The following PLA2G4A variants were observed in gnomAD, a reference collection of about 807,000 sequenced individuals.
PLA2G4A encodes the protein phospholipase A2 group IVA.
A neutral mutation model predicts 81.9 loss-of-function variants in PLA2G4A; 40 were observed. The ratio of observed to expected loss-of-function variants is 0.49; its 90% CI spans 0.38 to 0.64. The LOEUF is 0.64. Among genes scored for constraint, PLA2G4A ranks in the 30% least tolerant of loss-of-function variants. The pLI is 0.00. For synonymous variants in PLA2G4A, 302 were observed against 296.9 expected, an observed-to-expected ratio of 1.02 and a Z score of -0.18; for missense variants, 715 against 905.1, an observed-to-expected ratio of 0.79 and a Z score of 2.69.
intron 2 of PLA2G4A, among the ~76,000 whole-genome samples, chr1:186,859,307 T>G (rs529613780): frequency 1.3e-5 from 2 of 152,298 alleles, no homozygotes; most frequent in Admixed American, 6.5e-5. Flanking sequence ...TTTAGTTTCC[T>G]TATGTTTAGA....
At position 186,988,643 on chromosome 1, in the gene PLA2G4A, T is replaced by C. The variant is rs915068793; in HGVS notation, c.*135T>C. ...GCTGATACTCAAAGTTGCAGTTACT[T>C]AGCTGCATGAGAATAATACTATTAT... On this transcript the variant is annotated 3_prime_UTR_variant, in exon 18 of 18. Transcript: ENST00000367466. The C allele has an allele frequency of 1.3e-6, 1 of 745,904 alleles. No individual in the cohort carries two copies. 46.2% of individuals were successfully genotyped at this position (745,904 alleles called of 1,614,324 possible).
chr1:186,864,040 A>AT (rs57515431), intron 2 of PLA2G4A, among the ~76,000 whole-genome samples: 152,285 of 152,292 alleles, frequency 1, 76,139 homozygotes, highest in Non-Finnish European at 1. Context: ...TGCTGGGATT[A>AT]AGGCATGAGC....
At chr1:186,915,827 A>C (rs1655116560) in intron 7 of PLA2G4A, among the ~76,000 whole-genome samples, 1 of 152,198 alleles carries the variant, frequency 6.6e-6, no homozygotes, top group Non-Finnish European at 1.5e-5. Flanking sequence ...TGTCCCAGAC[A>C]ACTAAGTCAT....
intron 2 of PLA2G4A, among the ~76,000 whole-genome samples, chr1:186,869,989 G>T (rs1653194187): frequency 6.6e-6 from 1 of 152,262 alleles, no homozygotes; most frequent in Admixed American, 6.5e-5. Context: ...GTTCCATAGG[G>T]TTTTGAAAGC....
intron 12 of PLA2G4A, among the ~76,000 whole-genome samples, chr1:186,950,394 A>G (rs1271920323): frequency 6.6e-6 from 1 of 152,160 alleles, no homozygotes; most frequent in East Asian, 1.9e-4. Flanking sequence ...CAGAATTATG[A>G]TAAACATAAA....
chr1:186,980,703 T>C (rs900611751), intron 17 of PLA2G4A, among the ~76,000 whole-genome samples: 6 of 152,178 alleles, frequency 3.9e-5, no homozygotes, highest in Admixed American at 2.0e-4. Context: ...TCGTTTGGCC[T>C]GAGACTAGTA....
chr1:186,951,290 G>A (rs1415743401), intron 13 of PLA2G4A, among the ~76,000 whole-genome samples: 3 of 152,086 alleles, frequency 2.0e-5, no homozygotes, highest in East Asian at 3.9e-4. Context: ...TTGCAGTTTG[G>A]TGTGGATTAT....
intron 13 of PLA2G4A, 120 bp downstream of exon 13, chr1:186,950,848 A>C: frequency 1.4e-6 from 1 of 708,360 alleles, no homozygotes; most frequent in Non-Finnish European, 2.6e-6. Context: ...AAGTGATAAA[A>C]TTGTAGCTTT....
chr1:186,845,871 A>T (rs567728135), intron 1 of PLA2G4A, among the ~76,000 whole-genome samples: 1 of 152,278 alleles, frequency 6.6e-6, no homozygotes, highest in East Asian at 1.9e-4. Context: ...GTCTATCCAA[A>T]TTTCCCTCTC....
intron 7 of PLA2G4A, among the ~76,000 whole-genome samples, chr1:186,923,307 G>C (rs747485855): frequency 4.6e-5 from 7 of 152,292 alleles, no homozygotes; most frequent in Admixed American, 1.3e-4. Flanking sequence ...GAAGTTTTTA[G>C]TGTGTGTATG....
chr1:186,837,736 C>CAAAAAAAAA (rs750655561), intron 1 of PLA2G4A, among the ~76,000 whole-genome samples: 651 of 55,006 alleles, frequency 0.012, 33 homozygotes, highest in Middle Eastern at 0.026. Flanking sequence ...GACTCCGTCT[C>CAAAAAAAAA]AAAAAAAAAA....
intron 7 of PLA2G4A, among the ~76,000 whole-genome samples, chr1:186,930,745 T>C (rs1214748300): frequency 6.6e-6 from 1 of 152,226 alleles, no homozygotes; most frequent in Non-Finnish European, 1.5e-5. Flanking sequence ...AGTATTAATC[T>C]TGAAATTGTT....
At chr1:186,914,168 C>T (rs1655060134) in intron 7 of PLA2G4A, among the ~76,000 whole-genome samples, 1 of 152,038 alleles carries the variant, frequency 6.6e-6, no homozygotes, top group Non-Finnish European at 1.5e-5. Flanking sequence ...TAGCTCACTG[C>T]ATCATCAAAC....
At chr1:186,952,022 C>T (rs1225630632) in intron 13 of PLA2G4A, among the ~76,000 whole-genome samples, 1 of 151,804 alleles carries the variant, frequency 6.6e-6, no homozygotes, top group Non-Finnish European at 1.5e-5. Context: ...CATCCTGGCT[C>T]CTTCATTTTT....
intron 5 of PLA2G4A, among the ~76,000 whole-genome samples, chr1:186,905,586 A>G (rs1206332953): frequency 6.6e-6 from 1 of 152,208 alleles, no homozygotes; most frequent in African/African-American, 2.4e-5. Flanking sequence ...GAATGCTCAT[A>G]GAATTCTATA....
At chr1:186,932,969 A>G (rs1193991238) in intron 8 of PLA2G4A, 70 bp downstream of exon 8, 1 of 1,114,236 alleles carries the variant, frequency 9.0e-7, no homozygotes, top group African/African-American at 1.6e-5. Flanking sequence ...CAAGCACTAG[A>G]AGAGAAAAGG....
At chr1:186,947,319 C>A (rs1203290718) in intron 12 of PLA2G4A, among the ~76,000 whole-genome samples, 1 of 152,014 alleles carries the variant, frequency 6.6e-6, no homozygotes, top group Admixed American at 6.6e-5. Context: ...CAGCTAAATA[C>A]AATGTAACAC....
chr1:186,870,574 G>T, intron 3 of PLA2G4A, 58 bp downstream of exon 3: 1 of 1,261,054 alleles, frequency 7.9e-7, no homozygotes. Flanking sequence ...GCCTTTAATT[G>T]CTTGAGTTCC....
intron 1 of PLA2G4A, among the ~76,000 whole-genome samples, chr1:186,835,716 G>A (rs1340195369): frequency 1.3e-5 from 2 of 152,098 alleles, no homozygotes; most frequent in Non-Finnish European, 2.9e-5. Context: ...AATGATCAAT[G>A]GTAATACATG....
Sources: allele counts gnomAD v4.1 joint callset (sites outside exome capture counted in the v4.1 genomes callset), GRCh38; gene constraint gnomAD v4.1.1; transcripts MANE v1.5; gene names NCBI Gene and HGNC (gene_info 2026-07-23, HGNC 2026-07-21).